The following PUM1 variants were observed in gnomAD, a reference collection of about 807,000 sequenced individuals.
The protein encoded by PUM1 is pumilio RNA binding family member 1.
In PUM1, 13 loss-of-function variants were observed where a neutral mutation model predicts 131.8. The observed-to-expected ratio is 0.10, with a 90% CI of 0.06 to 0.16. The LOEUF (loss-of-function observed/expected upper bound fraction) is 0.16, where lower values mean the gene tolerates loss of function less well. Ranked by LOEUF, PUM1 falls within the 10% of genes least tolerant of loss-of-function variation. The pLI, the probability that PUM1 is intolerant of heterozygous loss-of-function variation, is 1.00. For missense variants in PUM1, 961 were observed against 1,512.4 expected, an observed-to-expected ratio of 0.64 and a Z score of 6.05; for synonymous variants, 509 against 556.5, an observed-to-expected ratio of 0.91 and a Z score of 1.20.
intron 3 of PUM1, among the ~76,000 whole-genome samples, chr1:31,011,219 C>A (rs1043817748): frequency 1.4e-5 from 2 of 146,460 alleles, no homozygotes; most frequent in African/African-American, 5.1e-5. Context: ...CTGTTTTAAG[C>A]CACTAAATTT....
At chr1:31,045,099 G>T (rs1424685326) in intron 2 of PUM1, among the ~76,000 whole-genome samples, 2 of 150,054 alleles carry the variant, frequency 1.3e-5, no homozygotes, top group Admixed American at 6.7e-5. Flanking sequence ...TGCCCAGCTG[G>T]AATTATACAC....
chr1:31,046,751 T>C (rs1281956375), intron 2 of PUM1, among the ~76,000 whole-genome samples: 1 of 151,978 alleles, frequency 6.6e-6, no homozygotes, highest in African/African-American at 2.4e-5. Flanking sequence ...ATTACAGGCA[T>C]GAGCCACCAC....
chr1:31,054,535 T>C (rs1297092306), intron 2 of PUM1, among the ~76,000 whole-genome samples: 1 of 83,404 alleles, frequency 1.2e-5, no homozygotes. Flanking sequence ...AAAGGGCCAC[T>C]AAAAAAAAAA....
intron 19 of PUM1, 22 bp downstream of exon 19, chr1:30,941,976 C>A: frequency 6.5e-7 from 1 of 1,542,434 alleles, no homozygotes; most frequent in South Asian, 1.1e-5. Flanking sequence ...GTTCGCAGTT[C>A]CTCTACTGGC....
chr1:30,975,517 ATTTTTTTT>A (rs751510345), intron 9 of PUM1, among the ~76,000 whole-genome samples: 2 of 84,144 alleles, frequency 2.4e-5, no homozygotes, highest in Admixed American at 1.6e-4. Context: ...TACCTGACTA[ATTTTTTTT>A]TTTTTTTTTT....
At chr1:31,044,317 C>T (rs945832111) in intron 2 of PUM1, among the ~76,000 whole-genome samples, 2 of 152,066 alleles carry the variant, frequency 1.3e-5, no homozygotes, top group South Asian at 2.1e-4. Context: ...AAGAGAATGG[C>T]GGGAACCCCA....
At position 31,059,577 on chromosome 1, in the gene PUM1, C is replaced by T; in HGVS notation, c.-11G>A. Reference sequence around the variant, plus strand: ...ACATGCAACGCTCATTCCACCAACACCTAAGGACAAACAGGTTACAAATAT... The same window carrying T: ...ACATGCAACGCTCATTCCACCAACATCTAAGGACAAACAGGTTACAAATAT... On this transcript the variant is annotated splice_region_variant and 5_prime_UTR_variant, in exon 2 of 22. The change creates a new upstream start codon in the 5' untranslated region. Coordinates refer to ENST00000426105, the MANE Select transcript of PUM1 (RefSeq NM_001020658.2). 5.0e-6 allele frequency: 8 copies of T among 1,592,926 alleles called. No homozygotes were observed. The highest frequency in any genetic ancestry group is 1.1e-5 in the South Asian group (1 of 88,204).
intron 2 of PUM1, among the ~76,000 whole-genome samples, chr1:31,051,921 A>G (rs1187955645): frequency 6.6e-6 from 1 of 152,196 alleles, no homozygotes; most frequent in Non-Finnish European, 1.5e-5. Flanking sequence ...CTCAAGTCAA[A>G]GACTTGACCT....
At chr1:30,984,065 G>A (rs1437660138) in intron 7 of PUM1, among the ~76,000 whole-genome samples, 1 of 152,134 alleles carries the variant, frequency 6.6e-6, no homozygotes, top group African/African-American at 2.4e-5. Context: ...CTGAAAGCAG[G>A]AACTATTACT....
At chr1:31,036,394 CCA>C (rs1471292716) in intron 2 of PUM1, among the ~76,000 whole-genome samples, 1 of 152,006 alleles carries the variant, frequency 6.6e-6, no homozygotes, top group Non-Finnish European at 1.5e-5. Flanking sequence ...ATGCCTTTTA[CCA>C]CTTGTTCCTG....
At chr1:30,957,079 G>A (rs1640195623) in intron 14 of PUM1, among the ~76,000 whole-genome samples, 1 of 76,150 alleles carries the variant, frequency 1.3e-5, no homozygotes, top group South Asian at 4.6e-4. Flanking sequence ...ATACTACAAG[G>A]ACATTCATAC....
intron 1 of PUM1, among the ~76,000 whole-genome samples, chr1:31,063,340 T>G (rs1644409083): frequency 6.6e-6 from 1 of 152,178 alleles, no homozygotes; most frequent in South Asian, 2.1e-4. Context: ...TTTGGTAAAT[T>G]TAAAGTCATC....
At chr1:30,946,816 G>C (rs1023946847) in intron 17 of PUM1, among the ~76,000 whole-genome samples, 1 of 152,114 alleles carries the variant, frequency 6.6e-6, no homozygotes, top group African/African-American at 2.4e-5. Context: ...GGCTGAGGTG[G>C]GAGGATCACC....
chr1:30,952,704 A>AGGGGGGGGGG (rs1639996608), intron 15 of PUM1, among the ~76,000 whole-genome samples: 1 of 35,300 alleles, frequency 2.8e-5, no homozygotes, highest in African/African-American at 8.4e-5. Context: ...CGGGAGGGGC[A>AGGGGGGGGGG]GGGGTGCAGG....
chr1:30,953,928 C>T lies in PUM1; in HGVS notation c.2377G>A (p.Ala793Thr). 6.2e-7 allele frequency: 1 copy of T among 1,614,242 alleles called. No individual in the cohort carries two copies. Among genetic ancestry groups the T allele is most frequent in the East Asian group, 2.2e-5 (1 of 44,890 alleles). The change falls in exon 15 of 22, where the codon GCC becomes ACC. Residue 793 changes from alanine (A) to threonine (T), a missense_variant. This residue lies in a region of PUM1 where 117 missense variants were observed against 200.7 expected (regional missense o/e 0.58). Coordinates refer to ENST00000426105, the MANE Select transcript of PUM1 (RefSeq NM_001020658.2). ...GCGCTGCTTGCACTGCGGTACTTGG[C>T]TTCAGCGCCTGGAGCAGCAGAGATG... Reference protein sequence around the residue: ...RYISAAPGAEAKYRSASSASS... With the variant: ...RYISAAPGAETKYRSASSASS...
intron 2 of PUM1, among the ~76,000 whole-genome samples, chr1:31,034,763 T>C (rs1347091260): frequency 6.6e-6 from 1 of 152,196 alleles, no homozygotes; most frequent in Non-Finnish European, 1.5e-5. Flanking sequence ...CTCATAAAGA[T>C]AGGCTCTTCA....
At chr1:31,005,498 G>A (rs1642366812) in intron 5 of PUM1, among the ~76,000 whole-genome samples, 1 of 152,032 alleles carries the variant, frequency 6.6e-6, no homozygotes, top group Non-Finnish European at 1.5e-5. Context: ...CCCAGCATCA[G>A]CTTTATTTTT....
At chr1:30,968,119 A>C (rs766281229) in intron 11 of PUM1, 2 of 697,394 alleles carry the variant, frequency 2.9e-6, no homozygotes, top group South Asian at 2.8e-5. Context: ...AAAACCACAT[A>C]TTCCAAGCTG....
intron 14 of PUM1, among the ~76,000 whole-genome samples, chr1:30,954,406 T>A (rs1640065812): frequency 6.6e-6 from 1 of 152,178 alleles, no homozygotes. Context: ...ATAACCCCCA[T>A]TTCCATCTGA....
Sources: allele counts gnomAD v4.1 joint callset (sites outside exome capture counted in the v4.1 genomes callset), GRCh38; gene constraint gnomAD v4.1.1; regional missense constraint gnomAD v4.1.1; transcripts MANE v1.5; gene names NCBI Gene and HGNC (gene_info 2026-07-23, HGNC 2026-07-21).